Variants in RPH3A observed in about 807,000 individuals in gnomAD.
RPH3A encodes rabphilin 3A.
Under a neutral mutation model 102.2 loss-of-function variants are expected in RPH3A, and 48 were observed. That is an observed-to-expected ratio of 0.47 (90% CI 0.37 to 0.60). RPH3A has a LOEUF of 0.60. Among genes scored for constraint, RPH3A ranks in the 20% least tolerant of loss-of-function variants. The probability of loss-of-function intolerance (pLI) is 0.00; values close to 1 mark genes in which losing one functional copy is unlikely to be tolerated. For synonymous variants in RPH3A, 310 were observed against 324.3 expected, an observed-to-expected ratio of 0.96 and a Z score of 0.47; for missense variants, 781 against 910.1, an observed-to-expected ratio of 0.86 and a Z score of 1.83.
intron 1 of RPH3A, among the ~76,000 whole-genome samples, chr12:112,694,147 C>T (rs376242443): frequency 6.6e-5 from 10 of 152,336 alleles, no homozygotes; most frequent in East Asian, 5.8e-4. Flanking sequence ...CCTTTGCCTG[C>T]GGTGCTCTTC....
intron 1 of RPH3A, among the ~76,000 whole-genome samples, chr12:112,629,977 G>C (rs2039792729): frequency 6.6e-6 from 1 of 151,994 alleles, no homozygotes; most frequent in African/African-American, 2.4e-5. Context: ...CACACAGCTA[G>C]GAAGATATAG....
chr12:112,846,798 A>G (rs1454563152), intron 4 of RPH3A, among the ~76,000 whole-genome samples: 1 of 152,210 alleles, frequency 6.6e-6, no homozygotes, highest in East Asian at 1.9e-4. Context: ...GTCATAGACC[A>G]CAGCCTTAAC....
chr12:112,595,019 C>G (rs1002114731), intron 1 of RPH3A, among the ~76,000 whole-genome samples: 1 of 152,162 alleles, frequency 6.6e-6, no homozygotes, highest in African/African-American at 2.4e-5. Context: ...CACAGCCTAG[C>G]ATAGTAATTA....
At chr12:112,686,511 C>A (rs1289249159) in intron 1 of RPH3A, among the ~76,000 whole-genome samples, 1 of 152,192 alleles carries the variant, frequency 6.6e-6, no homozygotes, top group East Asian at 1.9e-4. Context: ...TCTCTTGTTG[C>A]TCTTGGAAAG....
At chr12:112,769,969 T>C (rs1435080179) in intron 1 of RPH3A, among the ~76,000 whole-genome samples, 1 of 152,246 alleles carries the variant, frequency 6.6e-6, no homozygotes, top group Non-Finnish European at 1.5e-5. Flanking sequence ...CTTACAGTAT[T>C]GTTTTGTGAA....
In RPH3A at chr12:112,793,725, T is replaced by C. The variant is rs368838549; in HGVS notation, c.-19+1462T>C. On this transcript the variant is annotated intron_variant, in intron 2 of 21. Coordinates refer to ENST00000389385, the MANE Select transcript of RPH3A (RefSeq NM_001143854.2). ...TTTTGTTCAAAAAAAGAACCACATATCTGGCTATGGGTGATATTTAAAGTA... is the reference window on the plus strand; with the variant it reads ...TTTTGTTCAAAAAAAGAACCACATACCTGGCTATGGGTGATATTTAAAGTA... Among the ~76,000 whole-genome samples the C allele has an allele frequency of 3.3e-5, 5 of 152,294 alleles. 2 individuals are homozygous for C. The highest frequency in any genetic ancestry group is 1.2e-4 in the African/African-American group (5 of 41,564).
chr12:112,640,883 C>A (rs1255038901), intron 1 of RPH3A, among the ~76,000 whole-genome samples: 2 of 152,094 alleles, frequency 1.3e-5, no homozygotes, highest in African/African-American at 4.8e-5. Flanking sequence ...AGCATTTTCC[C>A]TCCTCCCCAC....
rs1279369551 is a variant in RPH3A, at chr12:112,868,542, C to A, written c.557C>A (p.Ala186Asp). The stretch of plus-strand genomic sequence containing the variant: ...CAGCAGCCTGTCAGTGAGCCTGCTG[C>A]CCCTGAACAGCCTGCTCCTGAGCCC... ...KPQQPVSEPA[A>D]PEQPAPEPKH... is the part of the protein sequence containing the mutation. Residue 186 changes from alanine to aspartate, a missense_variant, in exon 8 of 22, where the codon GCC becomes GAC. Physicochemically the swap from Ala to Asp is moderately radical, Grantham distance 126. Around this residue, in one of 2 missense-constraint regions of RPH3A, gnomAD observed 730 missense variants for 810.0 expected, o/e 0.90. Coordinates refer to ENST00000389385, the MANE Select transcript of RPH3A (RefSeq NM_001143854.2). 2.5e-6 allele frequency: 4 copies of A among 1,614,038 alleles called. No individual in the cohort carries two copies. In the East Asian group the frequency reaches 8.9e-5, roughly 36 times the overall value.
chr12:112,882,954 C>G (rs1247715679), intron 15 of RPH3A, among the ~76,000 whole-genome samples: 2 of 152,190 alleles, frequency 1.3e-5, no homozygotes, highest in Non-Finnish European at 2.9e-5. Flanking sequence ...TATCCCCTGC[C>G]TAAATGGGAA....
intron 1 of RPH3A, among the ~76,000 whole-genome samples, chr12:112,684,295 G>C (rs962214669): frequency 6.6e-6 from 1 of 152,098 alleles, no homozygotes; most frequent in Admixed American, 6.6e-5. Flanking sequence ...GTCTCACTCT[G>C]TCACCCACAC....
At chr12:112,719,203 C>T (rs1049015117) in intron 1 of RPH3A, among the ~76,000 whole-genome samples, 4 of 152,218 alleles carry the variant, frequency 2.6e-5, no homozygotes, top group Non-Finnish European at 2.9e-5. Flanking sequence ...AAACCTTGCT[C>T]TATATCCTCC....
intron 1 of RPH3A, among the ~76,000 whole-genome samples, chr12:112,713,967 C>T (rs1295638227): frequency 6.6e-6 from 1 of 152,190 alleles, no homozygotes; most frequent in Non-Finnish European, 1.5e-5. Flanking sequence ...GTTGCCTAAT[C>T]TCACGGTGTG....
Position 112,822,556 on chromosome 12 carries a change from A to G in RPH3A, c.-18-5745A>G, listed in dbSNP as rs547926105. 1.0e-3 allele frequency among the ~76,000 whole-genome samples: 154 copies of G among 152,302 alleles called. 1 individual carries two copies. The highest frequency in any genetic ancestry group is 3.6e-3 in the African/African-American group (150 of 41,554). ...AAGCAGGCAGAACCAATGGCAAAGG[A>G]GGAGAAGGGAGGACCCTGGAATCTG... is the stretch of plus-strand genomic sequence containing the variant. On this transcript the variant is annotated intron_variant, in intron 2 of 21. Coordinates refer to ENST00000389385, the MANE Select transcript of RPH3A (RefSeq NM_001143854.2).
intron 1 of RPH3A, among the ~76,000 whole-genome samples, chr12:112,577,426 G>T (rs1277849042): frequency 1.3e-5 from 2 of 152,172 alleles, no homozygotes; most frequent in Admixed American, 6.5e-5. Flanking sequence ...GCATGGTAAT[G>T]CATTGTAATT....
chr12:112,837,230 G>A (rs1283270995), intron 4 of RPH3A, among the ~76,000 whole-genome samples: 1 of 152,150 alleles, frequency 6.6e-6, no homozygotes, highest in Non-Finnish European at 1.5e-5. Flanking sequence ...AACTCCTTGA[G>A]CCTTGGTTAT....
At chr12:112,600,946 C>T (rs1164412360) in intron 1 of RPH3A, among the ~76,000 whole-genome samples, 1 of 152,154 alleles carries the variant, frequency 6.6e-6, no homozygotes, top group Non-Finnish European at 1.5e-5. Flanking sequence ...CACAGGACGG[C>T]AGGAGAGAGA....
rs2040684383 is a variant in RPH3A, at chr12:112,738,427, C to T, written c.-139-53716C>T. 2.6e-5 allele frequency among the ~76,000 whole-genome samples: 4 copies of T among 152,138 alleles called. No homozygotes were observed. The South Asian group carries it at 8.3e-4, about 32-fold the overall frequency. On this transcript the variant is annotated intron_variant, in intron 1 of 21. Transcript: ENST00000543106. The stretch of plus-strand genomic sequence containing the variant: ...AGTATGTCCTCATCTTAACTAATGA[C>T]ATCTGCAGATACCTTATTTCCAAAT...
chr12:112,888,055 G>C, intron 17 of RPH3A, 132 bp downstream of exon 17: 1 of 971,256 alleles, frequency 1.0e-6, no homozygotes, highest in Non-Finnish European at 1.5e-6. Context: ...GGTCTGCAGA[G>C]GAGAGTCAAG....
At chr12:112,773,097 A>ATATATATAT (rs1443985253) in intron 1 of RPH3A, among the ~76,000 whole-genome samples, 2 of 151,900 alleles carry the variant, frequency 1.3e-5, no homozygotes, top group African/African-American at 2.4e-5. Flanking sequence ...GTATTCCATC[A>ATATATATAT]TATATATATT....
Sources: gnomAD v4.1 joint callset for allele counts (sites outside exome capture counted in the v4.1 genomes callset) on GRCh38, gnomAD v4.1.1 for gene constraint, gnomAD v4.1.1 regional missense constraint, MANE v1.5 for transcripts, NCBI Gene and HGNC (gene_info 2026-07-23, HGNC 2026-07-21) for gene names.